STARD9: variants seen among roughly 807,000 people sequenced by gnomAD.
STARD9 encodes StAR related lipid transfer domain containing 9.
A neutral mutation model predicts 399.8 loss-of-function variants in STARD9; 346 were observed. The ratio of observed to expected loss-of-function variants is 0.87; its 90% CI spans 0.79 to 0.95. STARD9 has a LOEUF of 0.95. Among genes scored for constraint, STARD9 ranks in the 40% least tolerant of loss-of-function variants. STARD9 has a pLI of 0.00. For missense variants in STARD9, 5,832 were observed against 5,667.5 expected, an observed-to-expected ratio of 1.03 and a Z score of -0.93; for synonymous variants, 2,203 against 2,143.5, an observed-to-expected ratio of 1.03 and a Z score of -0.77.
chr15:42,688,055 A>G lies in STARD9; in HGVS notation c.6477A>G (p.Arg2159=). ...CCTTCAGGTCAAGGGAAGGTGTACG[A>G]GAGAGTGAACCTGTGAGAGAGCACA... ...PNPFRSREGV[R]ESEPVREHTH... Residue 2159 remains arginine (R), a synonymous_variant, in exon 23 of 33, where the codon CGA becomes CGG. Coordinates refer to ENST00000290607, the MANE Select transcript of STARD9 (RefSeq NM_020759.3). 4 of 1,537,496 alleles carry G rather than the reference A, an allele frequency of 2.6e-6. No individual in the cohort carries two copies. Among genetic ancestry groups the G allele is most frequent in the Non-Finnish European group, 3.5e-6 (4 of 1,146,974 alleles).
At position 42,660,584 on chromosome 15, in the gene STARD9, CAAAA is replaced by C. The variant is rs79069189; in HGVS notation, c.703-564_703-561del. ...CCGGCTCAAAAAAAAAACAGACAAACAAAAAAAAAAAAACAAGAAACAAAAATTA... is the reference window on the plus strand; with the variant it reads ...CCGGCTCAAAAAAAAAACAGACAAACAAAAAAAAACAAGAAACAAAAATTA... On this transcript the variant is annotated intron_variant, in intron 9 of 32. Coordinates refer to ENST00000290607, the MANE Select transcript of STARD9 (RefSeq NM_020759.3). 1.7e-4 allele frequency among the ~76,000 whole-genome samples: 21 copies of C among 122,644 alleles called. No individual in the cohort carries two copies. The East Asian group carries it at 3.3e-3, about 19-fold the overall frequency. 80.5% of individuals were successfully genotyped at this position (122,644 alleles called of 152,430 possible). A position where few individuals can be genotyped will look rare whatever the true frequency, so the allele number is the denominator to read the frequency against.
Position 42,681,595 on chromosome 15 carries a change from G to C in STARD9, c.2048G>C (p.Ser683Thr), listed in dbSNP as rs767720140. The C allele has an allele frequency of 7.9e-5, 121 of 1,536,712 alleles. No individual in the cohort carries two copies. Among genetic ancestry groups the C allele is most frequent in the Non-Finnish European group, 1.0e-4 (115 of 1,146,726 alleles). Residue 683 changes from serine to threonine, a missense_variant, in exon 21 of 33, where the codon AGC (serine) becomes ACC (threonine). By Grantham distance (58) the Ser-to-Thr change is moderately conservative. Coordinates refer to ENST00000290607, the MANE Select transcript of STARD9 (RefSeq NM_020759.3). The stretch of plus-strand genomic sequence containing the variant: ...CTGGAATTTGACCAAGCTTGGATTA[G>C]CCAGCAGATTAAAGAAAGTAGGTGT... ...KELEFDQAWISQQIKENQQCL... is the reference protein window; with the variant it reads ...KELEFDQAWITQQIKENQQCL...
chr15:42,671,520 A>G (rs1162041867), intron 16 of STARD9: 2 of 152,020 alleles, frequency 1.3e-5, no homozygotes, highest in Admixed American at 6.6e-5. Context: ...CTGGTTGGCT[A>G]AACATCTGAA....
intron 28 of STARD9, among the ~76,000 whole-genome samples, chr15:42,717,446 G>T (rs1342880918): frequency 6.6e-6 from 1 of 151,898 alleles, no homozygotes; most frequent in African/African-American, 2.4e-5. Flanking sequence ...AACATGGTGA[G>T]ACCCTGTCTC....
At chr15:42,675,491 T>G (rs770465380) in intron 18 of STARD9, 173 bp from the exon 19 acceptor site, 5 of 596,416 alleles carry the variant, frequency 8.4e-6, no homozygotes, top group Admixed American at 3.0e-5. Flanking sequence ...CTGTCTGTCT[T>G]ATTAATTCAA....
chr15:42,694,305 G>A lies in STARD9; in HGVS notation c.12727G>A (p.Glu4243Lys). 6.6e-7 allele frequency: 1 copy of A among 1,518,292 alleles called. No homozygotes were observed. The highest frequency in any genetic ancestry group is 1.2e-5 in the South Asian group (1 of 80,814). 94.1% of individuals were successfully genotyped at this position (1,518,292 alleles called of 1,614,324 possible). A position where few individuals can be genotyped will look rare whatever the true frequency, so the allele number is the denominator to read the frequency against. Residue 4243 changes from glutamate (E) to lysine (K), a missense_variant, in exon 23 of 33, where the codon GAA (glutamate) becomes AAA (lysine). Glu to Lys is a moderately conservative substitution (Grantham distance 56). Coordinates refer to ENST00000290607, the MANE Select transcript of STARD9 (RefSeq NM_020759.3). ...GACAGGGGAGGCGCTTGCTGCTGAT[G>A]AACCTGTGACATCCACCTGGAAGGA... The part of the protein sequence containing the change: ...SGTGEALAAD[E>K]PVTSTWKELY...
chr15:42,715,478 T>G (rs1365620319), intron 26 of STARD9, among the ~76,000 whole-genome samples: 2 of 151,352 alleles, frequency 1.3e-5, no homozygotes, highest in African/African-American at 2.4e-5. Flanking sequence ...CCCAGGAGTC[T>G]AAGACCAACA....
At position 42,663,426 on chromosome 15, in the gene STARD9, CTCT is replaced by C. The variant is rs775154237; in HGVS notation, c.1015_1017del (p.Ser339del). 256 of 1,537,190 alleles carry C rather than the reference CTCT, an allele frequency of 1.7e-4. No individual in the cohort carries two copies. Among genetic ancestry groups the C allele is most frequent in the Non-Finnish European group, 2.1e-4 (238 of 1,146,936 alleles). On this transcript the variant is annotated inframe_deletion, in exon 12 of 33. Transcript: ENST00000290607. ...GGCAGTCTTATATCCCATACCGAGA[CTCT>C]GTGTTGACCTGGCTGCTGAAGGACA...
intron 9 of STARD9, among the ~76,000 whole-genome samples, chr15:42,655,114 C>T (rs1425586313): frequency 6.6e-6 from 1 of 152,140 alleles, no homozygotes; most frequent in African/African-American, 2.4e-5. Flanking sequence ...AAACCCCTCT[C>T]TACTAAAAAT....
At chr15:42,656,601 TA>T (rs1161295384) in intron 9 of STARD9, among the ~76,000 whole-genome samples, 1 of 152,110 alleles carries the variant, frequency 6.6e-6, no homozygotes, top group Non-Finnish European at 1.5e-5. Flanking sequence ...AATGAGTGGT[TA>T]AAGAAAATGT....
In STARD9 at chr15:42,686,645, C is replaced by A. The variant is rs1185723958; in HGVS notation, c.5067C>A (p.Asp1689Glu). The change falls in exon 23 of 33, where the codon GAC becomes GAA. Residue 1689 changes from aspartate (D) to glutamate (E), a missense_variant. Asp to Glu is a conservative substitution (Grantham distance 45). Coordinates refer to ENST00000290607, the MANE Select transcript of STARD9 (RefSeq NM_020759.3). ...TCCAGCCAGGGCAATTAAGTCCCGA[C>A]AGCCACTACCCACTAGAGGAAGAGA... ...SAVQPGQLSP[D>E]SHYPLEEEKT... 3 of 1,537,474 alleles carry A rather than the reference C, an allele frequency of 2.0e-6. No individual in the cohort carries two copies. Among genetic ancestry groups the A allele is most frequent in the Non-Finnish European group, 2.6e-6 (3 of 1,146,972 alleles).
chr15:42,579,410 C>T (rs765475336), intron 1 of STARD9, among the ~76,000 whole-genome samples: 2 of 152,136 alleles, frequency 1.3e-5, no homozygotes, highest in African/African-American at 2.4e-5. Context: ...AGTTGCTGTT[C>T]AAAATGGTAC....
chr15:42,695,168 C>A lies in STARD9; in HGVS notation c.12991C>A (p.His4331Asn). The change falls in exon 25 of 33, where the codon CAC becomes AAC. Residue 4331 changes from histidine (H) to asparagine (N), a missense_variant. By Grantham distance (68) the His-to-Asn change is moderately conservative. Transcript: ENST00000290607. The part of the protein sequence containing the change: ...RSPESVSRSA[H>N]TPSDIELMLQ... Reference sequence around the variant, plus strand: ...CCCAGAGTCAGTGTCAAGGTCAGCTCACACACCCTCTGACATAGAGTTGAT... The same window carrying A: ...CCCAGAGTCAGTGTCAAGGTCAGCTAACACACCCTCTGACATAGAGTTGAT... The A allele has an allele frequency of 1.3e-6, 2 of 1,535,950 alleles. No individual in the cohort carries two copies. Among genetic ancestry groups the A allele is most frequent in the Non-Finnish European group, 8.7e-7 (1 of 1,146,106 alleles).
At chr15:42,581,578 G>A in intron 1 of STARD9, 1 of 878,536 alleles carries the variant, frequency 1.1e-6, no homozygotes, top group Non-Finnish European at 1.8e-6. Context: ...GTGGAAAAGC[G>A]AGCTCTGCGC....
chr15:42,696,842 A>AGG (rs2060856751), intron 26 of STARD9, among the ~76,000 whole-genome samples: 2 of 152,174 alleles, frequency 1.3e-5, no homozygotes, highest in Admixed American at 1.3e-4. Context: ...AACAATGACA[A>AGG]GGAACACTGG....
chr15:42,674,597 G>T (rs527336262), intron 17 of STARD9, 106 bp downstream of exon 17: 2 of 1,247,604 alleles, frequency 1.6e-6, no homozygotes, highest in South Asian at 1.3e-5. Flanking sequence ...AATCATTGGC[G>T]TATTCAGGGC....
In STARD9 at chr15:42,661,149, C is replaced by T. The variant is rs568651088; in HGVS notation, c.703-9C>T. 15 of 1,532,186 alleles carry T rather than the reference C, an allele frequency of 9.8e-6. No individual in the cohort carries two copies. The African/African-American group carries it at 1.1e-4, about 11-fold the overall frequency. The allele number at this position is 1,532,186 out of a possible 1,614,324, so 94.9% of individuals were successfully genotyped here. A position where few individuals can be genotyped will look rare whatever the true frequency, so the allele number is the denominator to read the frequency against. ...CCAAATGACAGGCTTTAAATGTTTT[C>T]TCCTCTAGGCAATCCTGGAGAACAA... On this transcript the variant is annotated splice_polypyrimidine_tract_variant and intron_variant, in intron 9 of 32. Transcript: ENST00000290607.
At chr15:42,664,136 ACT>A (rs1339717803) in intron 13 of STARD9, among the ~76,000 whole-genome samples, 2 of 152,072 alleles carry the variant, frequency 1.3e-5, no homozygotes, top group African/African-American at 4.8e-5. Context: ...TATTTCAGAT[ACT>A]TCTCTAAGGC....
chr15:42,607,194 C>CTTTTTT (rs763484090), intron 3 of STARD9, among the ~76,000 whole-genome samples: 1,898 of 39,262 alleles, frequency 0.048, 734 homozygotes, highest in East Asian at 0.11. Context: ...TTTTCTGGTG[C>CTTTTTT]TTTTTTTTTT....
Sources: allele counts gnomAD v4.1 joint callset (sites outside exome capture counted in the v4.1 genomes callset), GRCh38; gene constraint gnomAD v4.1.1; transcripts MANE v1.5; gene names NCBI Gene and HGNC (gene_info 2026-07-23, HGNC 2026-07-21).